Variants in PDE1A observed in about 807,000 individuals in gnomAD.
PDE1A encodes phosphodiesterase 1A, also known as dual specificity calcium/calmodulin-dependent 3',5'-cyclic nucleotide phosphodiesterase 1A.
Under a neutral mutation model 61.7 loss-of-function variants are expected in PDE1A, and 35 were observed. The ratio of observed to expected loss-of-function variants is 0.57; its 90% CI spans 0.43 to 0.75. PDE1A has a LOEUF of 0.75. PDE1A is among the 30% of genes least tolerant of loss of function. The pLI is 0.00. For missense variants in PDE1A, 597 were observed against 630.6 expected (o/e 0.95, Z 0.57); for synonymous variants, 232 against 213.2 (o/e 1.09, Z -0.77).
At chr2:182,549,907 GA>G in the PDE1A span, among the ~76,000 whole-genome samples, 1 of 152,102 alleles carries the variant, frequency 6.6e-6, no homozygotes, top group South Asian at 2.1e-4. Context: ...AAATCAGGAA[GA>G]AAATCTGATT....
intron 1 of PDE1A, among the ~76,000 whole-genome samples, chr2:182,388,136 G>A (rs1426359223): frequency 6.6e-6 from 1 of 152,046 alleles, no homozygotes; most frequent in Admixed American, 6.5e-5. Flanking sequence ...GACTATAATG[G>A]TTATAAATAG....
At chr2:182,399,976 A>G (rs1368644676) in intron 1 of PDE1A, among the ~76,000 whole-genome samples, 1 of 151,826 alleles carries the variant, frequency 6.6e-6, no homozygotes, top group African/African-American at 2.4e-5. Context: ...TATAATTTTA[A>G]TAAATATTAT....
intron 2 of PDE1A, among the ~76,000 whole-genome samples, chr2:182,444,793 C>A (rs959742353): frequency 6.6e-6 from 1 of 152,064 alleles, no homozygotes; most frequent in Non-Finnish European, 1.5e-5. Context: ...GCATATATAG[C>A]TGAATAACAT....
the PDE1A span, among the ~76,000 whole-genome samples, chr2:182,713,719 CTCTT>C: frequency 6.6e-6 from 1 of 152,124 alleles, no homozygotes; most frequent in Admixed American, 6.5e-5. Flanking sequence ...TATCTGTGGC[CTCTT>C]TCTTTTTTGG....
At chr2:182,592,471 C>T in the PDE1A span, among the ~76,000 whole-genome samples, 1 of 152,156 alleles carries the variant, frequency 6.6e-6, no homozygotes, top group Non-Finnish European at 1.5e-5. Context: ...TACACTTGAA[C>T]TTGGTTACGT....
At chr2:182,426,851 C>A in exon 1 of PDE1A, 1 of 1,365,070 alleles carries the variant, frequency 7.3e-7, no homozygotes, top group South Asian at 1.8e-5. Context: ...GGCACTCCCC[C>A]ACAGAGCAGG....
chr2:182,384,058 C>T (rs1041729416), intron 1 of PDE1A, among the ~76,000 whole-genome samples: 11 of 152,198 alleles, frequency 7.2e-5, no homozygotes, highest in African/African-American at 2.7e-4. Flanking sequence ...TAGACCACAT[C>T]ACCAGCAGGC....
At chr2:182,475,519 C>T (rs903737036) in intron 2 of PDE1A, among the ~76,000 whole-genome samples, 14 of 151,910 alleles carry the variant, frequency 9.2e-5, no homozygotes, top group African/African-American at 3.4e-4. Context: ...AGACTATATG[C>T]TTTACCATTC....
chr2:182,380,513 G>A (rs1225566392), intron 1 of PDE1A, among the ~76,000 whole-genome samples: 1 of 152,104 alleles, frequency 6.6e-6, no homozygotes, highest in Non-Finnish European at 1.5e-5. Flanking sequence ...TTTCTGGTTC[G>A]TTTTGAGAAG....
chr2:182,519,734 T>C (rs1690447060), intron 2 of PDE1A, among the ~76,000 whole-genome samples: 1 of 151,872 alleles, frequency 6.6e-6, no homozygotes, highest in African/African-American at 2.4e-5. Flanking sequence ...CATATAACAA[T>C]CCCTATAAGA....
chr2:182,543,617 T>C, the PDE1A span, among the ~76,000 whole-genome samples: 4 of 148,242 alleles, frequency 2.7e-5, no homozygotes, highest in Admixed American at 1.3e-4. Flanking sequence ...AACTTTAACC[T>C]TATTTTAATC....
At chr2:182,585,997 A>G in the PDE1A span, among the ~76,000 whole-genome samples, 1 of 152,174 alleles carries the variant, frequency 6.6e-6, no homozygotes, top group Admixed American at 6.6e-5. Flanking sequence ...TCAAAAAGAT[A>G]TTACACAGAT....
the PDE1A span, among the ~76,000 whole-genome samples, chr2:182,710,739 C>G: frequency 9.9e-5 from 15 of 152,114 alleles, no homozygotes; most frequent in Non-Finnish European, 1.5e-4. Context: ...ACCACATTTT[C>G]TTTATCTATT....
At chr2:182,591,009 A>G in the PDE1A span, among the ~76,000 whole-genome samples, 2 of 152,216 alleles carry the variant, frequency 1.3e-5, no homozygotes, top group African/African-American at 4.8e-5. Flanking sequence ...AAGATGCTCA[A>G]TATAACCTAT....
intron 1 of PDE1A, among the ~76,000 whole-genome samples, chr2:182,320,755 A>G (rs1696645908): frequency 6.6e-6 from 1 of 152,218 alleles, no homozygotes; most frequent in Non-Finnish European, 1.5e-5. Flanking sequence ...TATGATTAAT[A>G]TAAATTTAGA....
At chr2:182,540,407 G>A in the PDE1A span, among the ~76,000 whole-genome samples, 1 of 139,258 alleles carries the variant, frequency 7.2e-6, no homozygotes, top group Non-Finnish European at 1.6e-5. Context: ...AGCAGCAGCA[G>A]CAGCAGCAGG....
At chr2:182,548,534 A>T in the PDE1A span, among the ~76,000 whole-genome samples, 2 of 152,186 alleles carry the variant, frequency 1.3e-5, no homozygotes, top group African/African-American at 4.8e-5. Flanking sequence ...TTTATTCAAA[A>T]ACACACACAG....
chr2:182,709,639 G>C, the PDE1A span, among the ~76,000 whole-genome samples: 1 of 152,214 alleles, frequency 6.6e-6, no homozygotes, highest in South Asian at 2.1e-4. Flanking sequence ...TGAAAGATGA[G>C]TAGCATTTCT....
chr2:182,699,431 A>C, the PDE1A span, among the ~76,000 whole-genome samples: 1,240 of 152,346 alleles, frequency 8.1e-3, 6 homozygotes, highest in Middle Eastern at 0.017. Flanking sequence ...AGAATAAAGC[A>C]CTGGTGATTT....
Sources: gnomAD v4.1 joint callset for allele counts (sites outside exome capture counted in the v4.1 genomes callset) on GRCh38, gnomAD v4.1.1 for gene constraint, MANE v1.5 for transcripts, NCBI Gene and HGNC (gene_info 2026-07-23, HGNC 2026-07-21) for gene names.